KIAA0319L: variants seen among roughly 807,000 people sequenced by gnomAD.
The protein encoded by KIAA0319L is KIAA0319 like, also known as dyslexia-associated protein KIAA0319-like protein.
In KIAA0319L, 55 loss-of-function variants were observed where a neutral mutation model predicts 120.1. That is an observed-to-expected ratio of 0.46 (90% CI 0.37 to 0.57). KIAA0319L has a LOEUF of 0.57. Among genes scored for constraint, KIAA0319L ranks in the 20% least tolerant of loss-of-function variants. The pLI is 0.00. For synonymous variants in KIAA0319L, 398 were observed against 471.9 expected (o/e 0.84, Z 2.03); for missense variants, 1,049 against 1,255.3 (o/e 0.84, Z 2.48).
chr1:35,434,656 G>T lies in KIAA0319L; in HGVS notation c.*238C>A. 1 of 504,388 alleles carries T rather than the reference G, an allele frequency of 2.0e-6. No individual in the cohort carries two copies. Among genetic ancestry groups the T allele is most frequent in the Non-Finnish European group, 3.5e-6 (1 of 287,420 alleles). 31.2% of individuals were successfully genotyped at this position (504,388 alleles called of 1,614,324 possible). A position where few individuals can be genotyped will look rare whatever the true frequency, so the allele number is the denominator to read the frequency against. On this transcript the variant is annotated 3_prime_UTR_variant, in exon 21 of 21. Coordinates refer to ENST00000325722, the MANE Select transcript of KIAA0319L (RefSeq NM_024874.5). Reference sequence around the variant, plus strand: ...GGAGTTTGCAAAAAAAGGAGGCCCTGAGGTGAGGATATCTGGGGGCCCACC... The same window carrying T: ...GGAGTTTGCAAAAAAAGGAGGCCCTTAGGTGAGGATATCTGGGGGCCCACC...
intron 2 of KIAA0319L, among the ~76,000 whole-genome samples, chr1:35,539,400 T>C (rs1204418036): frequency 2.0e-5 from 3 of 152,210 alleles, no homozygotes; most frequent in African/African-American, 7.2e-5. Flanking sequence ...CTTTAACTTT[T>C]CACAGAAGGC....
chr1:35,465,142 G>A (rs1558359636), intron 7 of KIAA0319L, among the ~76,000 whole-genome samples: 1 of 152,190 alleles, frequency 6.6e-6, no homozygotes, highest in African/African-American at 2.4e-5. Context: ...GTGAGAAAAG[G>A]GCCACTGTCC....
intron 3 of KIAA0319L, among the ~76,000 whole-genome samples, chr1:35,487,905 C>T (rs111263951): frequency 7.8e-4 from 119 of 152,304 alleles, no homozygotes; most frequent in African/African-American, 2.7e-3. Context: ...TTTAGAGGTA[C>T]ATCCAGGGAT....
intron 9 of KIAA0319L, among the ~76,000 whole-genome samples, chr1:35,459,768 A>AT (rs1283785290): frequency 6.6e-6 from 1 of 152,208 alleles, no homozygotes; most frequent in Non-Finnish European, 1.5e-5. Context: ...AAACATAAGG[A>AT]GGATTACTCT....
At chr1:35,470,492 CAAAAAAAA>C (rs34215571) in intron 6 of KIAA0319L, among the ~76,000 whole-genome samples, 1 of 73,436 alleles carries the variant, frequency 1.4e-5, no homozygotes, top group Non-Finnish European at 2.6e-5. Flanking sequence ...GACCCTGTCT[CAAAAAAAA>C]AAAAAAAAAA....
At chr1:35,538,474 C>T (rs1646666997) in intron 2 of KIAA0319L, among the ~76,000 whole-genome samples, 2 of 151,626 alleles carry the variant, frequency 1.3e-5, no homozygotes, top group South Asian at 4.2e-4. Context: ...ACCTATAGTC[C>T]CAGCTACTCG....
At chr1:35,466,555 T>C in intron 7 of KIAA0319L, 53 bp downstream of exon 7, 1 of 1,215,830 alleles carries the variant, frequency 8.2e-7, no homozygotes, top group Non-Finnish European at 1.2e-6. Context: ...CTCTATCTCC[T>C]CAGGAGTCCT....
intron 3 of KIAA0319L, among the ~76,000 whole-genome samples, chr1:35,494,796 G>A (rs11264162): frequency 0.068 from 10,322 of 152,252 alleles, 972 homozygotes; most frequent in East Asian, 0.44. Context: ...AGCAACCACA[G>A]TGAGACCCTG....
At chr1:35,455,930 A>C (rs1570660683) in intron 10 of KIAA0319L, 83 bp downstream of exon 10, 3 of 1,041,690 alleles carry the variant, frequency 2.9e-6, no homozygotes, top group African/African-American at 3.2e-5. Context: ...AAGCTTTCTC[A>C]GTTTGTTTGG....
At chr1:35,471,316 C>T (rs753595433) in intron 5 of KIAA0319L, among the ~76,000 whole-genome samples, 11 of 152,118 alleles carry the variant, frequency 7.2e-5, no homozygotes, top group Non-Finnish European at 1.6e-4. Flanking sequence ...GGAACAAAGG[C>T]CATTTTCTTG....
At chr1:35,485,399 C>T (rs1370961139) in intron 3 of KIAA0319L, among the ~76,000 whole-genome samples, 1 of 152,160 alleles carries the variant, frequency 6.6e-6, no homozygotes, top group African/African-American at 2.4e-5. Flanking sequence ...TCATAGACCT[C>T]AAACCCATAA....
rs1372024124 is a variant in KIAA0319L at position 35,437,190 on chromosome 1, GATGT to G, written c.2963-2113_2963-2110del. 6.6e-6 allele frequency among the ~76,000 whole-genome samples: 1 copy of G among 152,148 alleles called. No homozygotes were observed. The highest frequency in any genetic ancestry group is 2.4e-5 in the African/African-American group (1 of 41,426). On this transcript the variant is annotated intron_variant, in intron 20 of 20. Transcript: ENST00000325722. The surrounding 1 kb of genome is among the most constrained non-coding windows in gnomAD (Gnocchi z 4.1). ...GCTCTCCCCTCTCCCTAAGATGTCC[GATGT>G]GCTGAGCTCAGGCTCCCATCCAATC...
intron 2 of KIAA0319L, chr1:35,511,048 G>C (rs1259263885): frequency 6.6e-6 from 1 of 152,182 alleles, no homozygotes; most frequent in African/African-American, 2.4e-5. Flanking sequence ...GTAAGAGCTT[G>C]ACTCTTATTA....
chr1:35,437,713 G>A lies in KIAA0319L; in HGVS notation c.2963-2632C>T, dbSNP rs1032649793. Among the ~76,000 whole-genome samples the A allele has an allele frequency of 5.3e-5, 8 of 152,068 alleles. No individual in the cohort carries two copies. Among genetic ancestry groups the A allele is most frequent in the African/African-American group, 1.9e-4 (8 of 41,408 alleles). ...TCCTCCCTCCTGGATGGTCATTCTT[G>A]GGGTCCTCAACCCTAGGCCTCTTCT... On this transcript the variant is annotated intron_variant, in intron 20 of 20. Coordinates refer to ENST00000325722, the MANE Select transcript of KIAA0319L (RefSeq NM_024874.5). This position sits in a 1 kb window ranked among gnomAD's most constrained non-coding sequence, Gnocchi z 4.1.
intron 3 of KIAA0319L, among the ~76,000 whole-genome samples, chr1:35,487,805 G>A (rs1304324634): frequency 1.3e-5 from 2 of 152,138 alleles, no homozygotes; most frequent in Non-Finnish European, 2.9e-5. Flanking sequence ...TGTAGATTCT[G>A]TCTTTCAAAG....
intron 3 of KIAA0319L, among the ~76,000 whole-genome samples, chr1:35,483,722 T>C (rs528917360): frequency 6.6e-6 from 1 of 152,304 alleles, no homozygotes; most frequent in African/African-American, 2.4e-5. Flanking sequence ...CTGTATAACA[T>C]GGTTATATTT....
intron 3 of KIAA0319L, among the ~76,000 whole-genome samples, chr1:35,498,925 T>C (rs947378785): frequency 1.3e-5 from 2 of 152,240 alleles, no homozygotes; most frequent in Non-Finnish European, 2.9e-5. Flanking sequence ...AATGTCTTCC[T>C]GCAGTGGCAT....
intron 2 of KIAA0319L, among the ~76,000 whole-genome samples, 173 bp from the exon 3 acceptor site, chr1:35,507,308 C>T (rs1645242985): frequency 1.3e-5 from 2 of 152,102 alleles, no homozygotes; most frequent in Non-Finnish European, 1.5e-5. Flanking sequence ...TTTTTGTCTT[C>T]GGATATTTTA....
chr1:35,462,860 A>T, intron 7 of KIAA0319L, 147 bp from the exon 8 acceptor site: 96 of 502,478 alleles, frequency 1.9e-4, no homozygotes, highest in East Asian at 3.2e-4. Context: ...GTGGAAGACA[A>T]TTTTTCCATG....
Sources: allele counts gnomAD v4.1 joint callset (sites outside exome capture counted in the v4.1 genomes callset), GRCh38; gene constraint gnomAD v4.1.1; non-coding constraint Gnocchi (gnomAD v3.1); transcripts MANE v1.5; gene names NCBI Gene and HGNC (gene_info 2026-07-23, HGNC 2026-07-21).